TRIO: variants seen among roughly 807,000 people sequenced by gnomAD.
The protein encoded by TRIO is trio Rho guanine nucleotide exchange factor.
TRIO carries 58 observed loss-of-function variants against 351.9 expected under a neutral mutation model. The observed-to-expected ratio is 0.16, with a 90% CI of 0.13 to 0.21. TRIO has a LOEUF of 0.21. TRIO is among the 10% of genes least tolerant of loss of function. The pLI is 1.00. For synonymous variants in TRIO, 1,758 were observed against 1,595.7 expected (o/e 1.10, Z -2.42); for missense variants, 3,201 against 4,027.8 (o/e 0.79, Z 5.56).
chr5:14,384,052 G>A (rs30790), intron 21 of TRIO, among the ~76,000 whole-genome samples: 41,846 of 151,988 alleles, frequency 0.28, 5,996 homozygotes, highest in Middle Eastern at 0.38. Context: ...ATTTCTCCAC[G>A]GGTCTTGCAG....
intron 7 of TRIO, among the ~76,000 whole-genome samples, chr5:14,303,830 G>A (rs576439080): frequency 3.9e-5 from 6 of 152,186 alleles, no homozygotes; most frequent in Non-Finnish European, 7.3e-5. Context: ...GCCTCCTTAA[G>A]CCTTTCCTAA....
intron 34 of TRIO, among the ~76,000 whole-genome samples, chr5:14,460,203 A>T (rs935087649): frequency 6.6e-6 from 1 of 152,204 alleles, no homozygotes; most frequent in Non-Finnish European, 1.5e-5. Context: ...GGCGTGAGCC[A>T]CCGCGCCCGG....
Position 14,335,050 on chromosome 5 carries a change from C to T in TRIO, c.1855-1486C>T, listed in dbSNP as rs531590517. Among the ~76,000 whole-genome samples, 210 of 152,126 alleles carry T rather than the reference C, an allele frequency of 1.4e-3. 1 individual carries two copies. The highest frequency in any genetic ancestry group is 4.9e-3 in the African/African-American group (202 of 41,462). On this transcript the variant is annotated intron_variant, in intron 10 of 56. Transcript: ENST00000344204. ...GTGTGTGTGTGTGTGTGTACACATG[C>T]GCATTCACATCTGTCTGTTAAAAAC...
intron 13 of TRIO, among the ~76,000 whole-genome samples, chr5:14,362,724 G>T (rs1744259916): frequency 6.6e-6 from 1 of 152,142 alleles, no homozygotes; most frequent in Non-Finnish European, 1.5e-5. Flanking sequence ...CGAAGGCTGG[G>T]CCTGTCTAAT....
chr5:14,155,527 C>T (rs1047431462), intron 1 of TRIO, among the ~76,000 whole-genome samples: 4 of 152,152 alleles, frequency 2.6e-5, no homozygotes, highest in East Asian at 1.9e-4. Context: ...TTTAGTTTGT[C>T]GTATCTCTTC....
intron 31 of TRIO, among the ~76,000 whole-genome samples, chr5:14,403,123 G>A (rs1579549963): frequency 6.9e-6 from 1 of 144,146 alleles, no homozygotes; most frequent in Admixed American, 7.0e-5. Flanking sequence ...GAGGGTGCAG[G>A]TTGTGGTGAG....
At chr5:14,415,062 C>G (rs979295199) in intron 33 of TRIO, among the ~76,000 whole-genome samples, 1 of 152,198 alleles carries the variant, frequency 6.6e-6, no homozygotes, top group African/African-American at 2.4e-5. Context: ...TTCACGGAAC[C>G]GCAAGACCCT....
At chr5:14,252,093 T>C (rs1794779167) in intron 1 of TRIO, among the ~76,000 whole-genome samples, 1 of 151,790 alleles carries the variant, frequency 6.6e-6, no homozygotes, top group Non-Finnish European at 1.5e-5. Context: ...AAGGTTACTT[T>C]CTTACTGTAA....
chr5:14,207,261 CT>C (rs1791514006), intron 1 of TRIO, among the ~76,000 whole-genome samples: 1 of 60,614 alleles, frequency 1.6e-5, no homozygotes, highest in African/African-American at 7.4e-5. Context: ...AAGATGGTCT[CT>C]ACACACACAC....
At chr5:14,502,147 A>G (rs1276749656) in intron 53 of TRIO, among the ~76,000 whole-genome samples, 1 of 152,130 alleles carries the variant, frequency 6.6e-6, no homozygotes, top group Non-Finnish European at 1.5e-5. Context: ...GGGAGGAGAG[A>G]GCAACTTAGC....
chr5:14,415,998 C>G (rs1162364959), intron 33 of TRIO, among the ~76,000 whole-genome samples: 1 of 151,640 alleles, frequency 6.6e-6, no homozygotes. Context: ...AAATTCAATG[C>G]ATGAGGTGGG....
chr5:14,357,705 G>T (rs932467559), intron 11 of TRIO, among the ~76,000 whole-genome samples: 3 of 152,126 alleles, frequency 2.0e-5, no homozygotes, highest in African/African-American at 7.2e-5. Context: ...ATCACATTGT[G>T]CACTTCCTTC....
rs116818948 is a variant in TRIO at position 14,172,335 on chromosome 5, G to A, written c.157+28453G>A. 2.5e-3 allele frequency among the ~76,000 whole-genome samples: 383 copies of A among 152,316 alleles called. 1 individual carries two copies. The highest frequency in any genetic ancestry group is 4.2e-3 in the Non-Finnish European group (284 of 68,026). ...GTAGAAATGCTTGAACAAATCTAGC[G>A]TCTTGGTTGAAATTGACTAAAGTTC... On this transcript the variant is annotated intron_variant, in intron 1 of 56. Coordinates refer to ENST00000344204, the MANE Select transcript of TRIO (RefSeq NM_007118.4).
chr5:14,275,978 A>G (rs902440963), intron 2 of TRIO, among the ~76,000 whole-genome samples: 4 of 147,778 alleles, frequency 2.7e-5, no homozygotes, highest in African/African-American at 9.8e-5. Flanking sequence ...ATACATACAT[A>G]TATATATATA....
intron 21 of TRIO, 144 bp downstream of exon 21, chr5:14,381,396 C>G (rs1001465071): frequency 9.7e-7 from 1 of 1,033,270 alleles, no homozygotes; most frequent in Non-Finnish European, 1.3e-6. Flanking sequence ...TTCCTCCTTC[C>G]GTTCACGTGT....
intron 1 of TRIO, among the ~76,000 whole-genome samples, chr5:14,211,168 CGATTCA>C (rs1791866793): frequency 6.6e-6 from 1 of 152,180 alleles, no homozygotes. Context: ...GTTAGATCAA[CGATTCA>C]TATATTTAAC....
intron 9 of TRIO, among the ~76,000 whole-genome samples, chr5:14,324,251 T>C (rs1181697024): frequency 1.3e-5 from 2 of 152,242 alleles, no homozygotes; most frequent in African/African-American, 4.8e-5. Context: ...CAGAGTATTT[T>C]AGATTTACCT....
chr5:14,473,920 C>A, intron 39 of TRIO, 74 bp from the exon 40 acceptor site: 1 of 1,473,528 alleles, frequency 6.8e-7, no homozygotes, highest in Non-Finnish European at 9.3e-7. Context: ...CCCTCTGTGA[C>A]TATTAATCAA....
At chr5:14,455,247 T>G (rs1753189483) in intron 34 of TRIO, among the ~76,000 whole-genome samples, 1 of 152,154 alleles carries the variant, frequency 6.6e-6, no homozygotes, top group African/African-American at 2.4e-5. Flanking sequence ...TGCTGATTGG[T>G]CCATTTTGCA....
Sources: gnomAD v4.1 joint callset for allele counts (sites outside exome capture counted in the v4.1 genomes callset) on GRCh38, gnomAD v4.1.1 for gene constraint, MANE v1.5 for transcripts, NCBI Gene and HGNC (gene_info 2026-07-23, HGNC 2026-07-21) for gene names.